PAM: variants seen among roughly 807,000 people sequenced by gnomAD.
PAM encodes peptidyl-glycine alpha-amidating monooxygenase.
PAM carries 72 observed loss-of-function variants against 122.1 expected under a neutral mutation model. The ratio of observed to expected loss-of-function variants is 0.59; its 90% CI spans 0.49 to 0.72. The LOEUF is 0.72. Among genes scored for constraint, PAM ranks in the 30% least tolerant of loss-of-function variants. The pLI is 0.00. For missense variants in PAM, 1,106 were observed against 1,183.7 expected (o/e 0.93, Z 0.96); for synonymous variants, 389 against 404.4 (o/e 0.96, Z 0.46).
intron 3 of PAM, among the ~76,000 whole-genome samples, chr5:102,897,323 C>T (rs1796493097): frequency 6.6e-6 from 1 of 151,586 alleles, no homozygotes; most frequent in South Asian, 2.1e-4. Flanking sequence ...TTCTGATTAG[C>T]TACTCTGAGG....
intron 3 of PAM, among the ~76,000 whole-genome samples, chr5:102,869,944 A>G (rs1262282063): frequency 6.6e-6 from 1 of 152,154 alleles, no homozygotes; most frequent in Non-Finnish European, 1.5e-5. Context: ...CAAAATGAAA[A>G]AAAGGTCCAA....
At chr5:102,977,625 G>A (rs1395531157) in intron 15 of PAM, among the ~76,000 whole-genome samples, 1 of 150,078 alleles carries the variant, frequency 6.7e-6, no homozygotes, top group Admixed American at 6.7e-5. Flanking sequence ...GGAGGTAATA[G>A]TCACAGGCTT....
At chr5:102,763,023 A>G (rs997117639) in intron 1 of PAM, among the ~76,000 whole-genome samples, 1 of 152,170 alleles carries the variant, frequency 6.6e-6, no homozygotes, top group Non-Finnish European at 1.5e-5. Context: ...TGTTAATAGG[A>G]TATGTAAATG....
intron 1 of PAM, among the ~76,000 whole-genome samples, chr5:102,852,333 G>A (rs551339046): frequency 1.3e-5 from 2 of 152,100 alleles, no homozygotes; most frequent in African/African-American, 4.8e-5. Flanking sequence ...TTTTAAATAA[G>A]AATAAATATG....
chr5:103,018,824 G>A (rs1782742054), intron 22 of PAM, among the ~76,000 whole-genome samples: 1 of 152,150 alleles, frequency 6.6e-6, no homozygotes, highest in East Asian at 1.9e-4. Context: ...TTGGCATTAA[G>A]GGACCAGTTT....
chr5:102,771,232 G>T (rs1755707361), intron 1 of PAM, among the ~76,000 whole-genome samples: 1 of 152,024 alleles, frequency 6.6e-6, no homozygotes. Context: ...ATATATACTT[G>T]ATTCCAGGGC....
chr5:102,845,479 AC>A (rs1779742933), intron 1 of PAM, among the ~76,000 whole-genome samples: 1 of 152,142 alleles, frequency 6.6e-6, no homozygotes, highest in African/African-American at 2.4e-5. Context: ...TTCACTTCCT[AC>A]ATTCATGTGT....
At chr5:102,990,449 T>C (rs756023651) in intron 16 of PAM, 48 bp downstream of exon 16, 5 of 1,416,856 alleles carry the variant, frequency 3.5e-6, no homozygotes, top group Non-Finnish European at 4.8e-6. Flanking sequence ...AAAAATAGTG[T>C]ACATAATTTT....
intron 22 of PAM, among the ~76,000 whole-genome samples, chr5:103,018,487 T>C (rs1038273414): frequency 2.0e-5 from 3 of 152,128 alleles, no homozygotes; most frequent in East Asian, 1.9e-4. Context: ...CAAGTTAGGG[T>C]TGAGTGAGCA....
At chr5:102,893,158 G>T (rs1795233988) in intron 3 of PAM, among the ~76,000 whole-genome samples, 1 of 151,672 alleles carries the variant, frequency 6.6e-6, no homozygotes, top group Non-Finnish European at 1.5e-5. Flanking sequence ...TGATGGAAAG[G>T]GAGGTCTTAC....
At chr5:102,950,416 G>GGTGTGTGTGTGT (rs1554134180) in intron 11 of PAM, among the ~76,000 whole-genome samples, 33 of 145,964 alleles carry the variant, frequency 2.3e-4, no homozygotes, top group African/African-American at 7.7e-4. Context: ...TATGTGGGTG[G>GGTGTGTGTGTGT]GTGTGTGTGT....
At chr5:102,835,235 G>A (rs1776667742) in intron 1 of PAM, among the ~76,000 whole-genome samples, 1 of 152,014 alleles carries the variant, frequency 6.6e-6, no homozygotes, top group South Asian at 2.1e-4. Flanking sequence ...TTTATAAGAC[G>A]TACCCAGAGT....
At chr5:102,857,315 G>A (rs1561647776) in intron 1 of PAM, among the ~76,000 whole-genome samples, 1 of 152,130 alleles carries the variant, frequency 6.6e-6, no homozygotes. Flanking sequence ...GTTGCTGTGT[G>A]GAAATGTGAG....
At chr5:102,948,256 C>A in intron 8 of PAM, 122 bp from the exon 9 acceptor site, 1 of 558,560 alleles carries the variant, frequency 1.8e-6, no homozygotes, top group Non-Finnish European at 3.2e-6. Flanking sequence ...TCCTCTTTTT[C>A]TACTTCAATT....
intron 1 of PAM, among the ~76,000 whole-genome samples, chr5:102,800,128 T>A (rs1182943709): frequency 6.6e-6 from 1 of 152,252 alleles, no homozygotes; most frequent in Non-Finnish European, 1.5e-5. Context: ...TGGGCTTCCT[T>A]ATGTTCCTTA....
chr5:102,895,231 G>A (rs1268230896), intron 3 of PAM, among the ~76,000 whole-genome samples: 2 of 151,698 alleles, frequency 1.3e-5, no homozygotes, highest in Non-Finnish European at 2.9e-5. Flanking sequence ...AACCCCCCTT[G>A]ACCTAGAGCA....
intron 1 of PAM, among the ~76,000 whole-genome samples, chr5:102,827,498 C>T (rs151131846): frequency 1.4e-4 from 22 of 152,008 alleles, no homozygotes; most frequent in African/African-American, 3.6e-4. Context: ...TAATTTTATC[C>T]TCATAATACA....
At chr5:102,916,468 A>G (rs970523745) in intron 5 of PAM, among the ~76,000 whole-genome samples, 1 of 151,848 alleles carries the variant, frequency 6.6e-6, no homozygotes, top group Non-Finnish European at 1.5e-5. Context: ...TTATAATCAT[A>G]AAACAAGGAC....
chr5:102,814,530 TATACATATATATTG>T (rs1769027347), intron 1 of PAM, among the ~76,000 whole-genome samples: 2 of 149,094 alleles, frequency 1.3e-5, no homozygotes, highest in African/African-American at 4.9e-5. Context: ...TCTCTCTATA[TATACATATATATTG>T]ATATATACAT....
Sources: gnomAD v4.1 joint callset for allele counts (sites outside exome capture counted in the v4.1 genomes callset) on GRCh38, gnomAD v4.1.1 for gene constraint, MANE v1.5 for transcripts, NCBI Gene and HGNC (gene_info 2026-07-23, HGNC 2026-07-21) for gene names.